Variants in TTC27 observed in about 807,000 individuals in gnomAD.
The protein encoded by TTC27 is tetratricopeptide repeat domain 27, also known as tetratricopeptide repeat protein 27.
In TTC27, 79 loss-of-function variants were observed where a neutral mutation model predicts 115.9. That is an observed-to-expected ratio of 0.68 (90% CI 0.57 to 0.82). TTC27 has a LOEUF of 0.82. Among genes scored for constraint, TTC27 ranks in the 40% least tolerant of loss-of-function variants. TTC27 has a pLI of 0.00. For synonymous variants in TTC27, 401 were observed against 356.0 expected (o/e 1.13, Z -1.42); for missense variants, 1,054 against 993.1 (o/e 1.06, Z -0.82).
At chr2:32,734,598 C>G (rs1291962354) in intron 11 of TTC27, among the ~76,000 whole-genome samples, 3 of 152,114 alleles carry the variant, frequency 2.0e-5, no homozygotes, top group African/African-American at 7.2e-5. Context: ...CTACATGGTT[C>G]TCCTGTATTA....
intron 18 of TTC27, among the ~76,000 whole-genome samples, chr2:32,814,937 C>T (rs1671448932): frequency 6.6e-6 from 1 of 152,146 alleles, no homozygotes; most frequent in Non-Finnish European, 1.5e-5. Flanking sequence ...TAAAAATCTC[C>T]ACATGGTTTA....
At chr2:32,715,334 T>C (rs1402423941) in intron 10 of TTC27, among the ~76,000 whole-genome samples, 1 of 152,204 alleles carries the variant, frequency 6.6e-6, no homozygotes, top group Non-Finnish European at 1.5e-5. Context: ...TAAGGAGTCC[T>C]TTCCCCATTG....
intron 14 of TTC27, chr2:32,780,233 C>T: frequency 3.2e-6 from 1 of 314,146 alleles, no homozygotes; most frequent in South Asian, 2.7e-5. Context: ...ATTGAATCTG[C>T]AGGTGAATAA....
chr2:32,767,435 A>G (rs1251288476), intron 13 of TTC27, among the ~76,000 whole-genome samples: 5 of 141,692 alleles, frequency 3.5e-5, no homozygotes, highest in South Asian at 2.3e-4. Context: ...CTAAGTGAAT[A>G]TTTATAAGTT....
At chr2:32,629,177 A>G (rs985432457) in intron 1 of TTC27, among the ~76,000 whole-genome samples, 12 of 151,518 alleles carry the variant, frequency 7.9e-5, no homozygotes, top group African/African-American at 2.7e-4. Context: ...GCTGGAGTGC[A>G]CTGGTGCCAT....
intron 16 of TTC27, among the ~76,000 whole-genome samples, chr2:32,805,263 G>T (rs1256400661): frequency 6.6e-6 from 1 of 152,182 alleles, no homozygotes; most frequent in Non-Finnish European, 1.5e-5. Flanking sequence ...GGTTACATGT[G>T]CTCACAGAGC....
chr2:32,669,039 A>G (rs1269267795), intron 7 of TTC27, among the ~76,000 whole-genome samples: 1 of 152,060 alleles, frequency 6.6e-6, no homozygotes, highest in Non-Finnish European at 1.5e-5. Context: ...AGATCGTGCC[A>G]CTGCACTCCA....
chr2:32,784,533 T>C (rs1376161156), intron 15 of TTC27, among the ~76,000 whole-genome samples: 1 of 152,234 alleles, frequency 6.6e-6, no homozygotes, highest in East Asian at 1.9e-4. Context: ...TTTCAACTGA[T>C]TCCCCTCGAT....
At chr2:32,760,836 G>A (rs921773263) in intron 13 of TTC27, among the ~76,000 whole-genome samples, 2 of 152,120 alleles carry the variant, frequency 1.3e-5, no homozygotes, top group Non-Finnish European at 2.9e-5. Flanking sequence ...CGCACAGTCT[G>A]TTCTCAACAC....
At chr2:32,684,487 G>A (rs1044569620) in intron 9 of TTC27, among the ~76,000 whole-genome samples, 2 of 151,968 alleles carry the variant, frequency 1.3e-5, no homozygotes, top group African/African-American at 4.8e-5. Flanking sequence ...ATTGATACTG[G>A]CAGCTTGCCT....
At chr2:32,774,865 C>T (rs1339757409) in intron 13 of TTC27, among the ~76,000 whole-genome samples, 1 of 152,148 alleles carries the variant, frequency 6.6e-6, no homozygotes, top group African/African-American at 2.4e-5. Context: ...TAGATAAAAC[C>T]TAGCAGTTAA....
intron 4 of TTC27, among the ~76,000 whole-genome samples, chr2:32,646,345 T>A (rs1664858868): frequency 6.6e-6 from 1 of 151,838 alleles, no homozygotes; most frequent in Non-Finnish European, 1.5e-5. Flanking sequence ...TTAAGTTTTA[T>A]TTTTGTAGAG....
chr2:32,812,399 G>A (rs1454049855), intron 17 of TTC27, 105 bp from the exon 18 acceptor site: 2 of 814,060 alleles, frequency 2.5e-6, no homozygotes, highest in Admixed American at 2.0e-5. Flanking sequence ...CAACACAGAT[G>A]CTGCTTTTTC....
intron 5 of TTC27, among the ~76,000 whole-genome samples, chr2:32,653,049 T>C (rs1315902191): frequency 6.6e-6 from 1 of 152,212 alleles, no homozygotes; most frequent in Non-Finnish European, 1.5e-5. Flanking sequence ...AGCATTCTTT[T>C]GGATGTCACA....
intron 18 of TTC27, among the ~76,000 whole-genome samples, chr2:32,813,237 A>G (rs919774355): frequency 4.6e-5 from 7 of 152,200 alleles, no homozygotes; most frequent in Admixed American, 2.6e-4. Context: ...TGCAGTTCCA[A>G]TAAAATAATG....
rs542284816 is a variant in TTC27 at position 32,780,051 on chromosome 2, T to C, written c.1779+2071T>C. The C allele has an allele frequency of 5.6e-5, 26 of 461,898 alleles. 1 individual carries two copies. Among genetic ancestry groups the C allele is most frequent in the South Asian group, 3.7e-4 (23 of 62,944 alleles). 28.6% of individuals were successfully genotyped at this position (461,898 alleles called of 1,614,324 possible). A position where few individuals can be genotyped will look rare whatever the true frequency, so the allele number is the denominator to read the frequency against. On this transcript the variant is annotated intron_variant, in intron 14 of 19. Coordinates refer to ENST00000317907, the MANE Select transcript of TTC27 (RefSeq NM_017735.5). Reference sequence around the variant, plus strand: ...ACTGTATGTCACATTTCATTGACTATAGGTCTGTGCATATTCCACTGTCTT... The same window carrying C: ...ACTGTATGTCACATTTCATTGACTACAGGTCTGTGCATATTCCACTGTCTT...
chr2:32,741,660 A>AAC (rs1668647599), intron 12 of TTC27, among the ~76,000 whole-genome samples: 2 of 59,148 alleles, frequency 3.4e-5, no homozygotes, highest in African/African-American at 1.2e-4. Flanking sequence ...AAAAAAAACA[A>AAC]AAAACAAAAC....
intron 13 of TTC27, among the ~76,000 whole-genome samples, chr2:32,769,669 G>A (rs1205319705): frequency 1.3e-5 from 2 of 152,102 alleles, no homozygotes; most frequent in Non-Finnish European, 2.9e-5. Flanking sequence ...GAAGATATTA[G>A]CTTTGGAAAT....
rs1403232329 is a variant in TTC27, at chr2:32,628,332, A to G, written c.40A>G (p.Thr14Ala). ...GCTGGCAATTCTGAGGGGATTCCCC[A>G]CTGAGGCTGAGCGGCAGCAATGGAA... The part of the protein sequence containing the change: ...PELAILRGFP[T>A]EAERQQWKQE... The change falls in exon 1 of 20, where the codon ACT (threonine) becomes GCT (alanine). Residue 14 changes from threonine (T) to alanine (A), a missense_variant. By Grantham distance (58) the Thr-to-Ala change is moderately conservative. Coordinates refer to ENST00000317907, the MANE Select transcript of TTC27 (RefSeq NM_017735.5). 2 of 1,607,986 alleles carry G rather than the reference A, an allele frequency of 1.2e-6. No homozygotes were observed. Among genetic ancestry groups the G allele is most frequent in the South Asian group, 2.2e-5 (2 of 89,220 alleles).
Sources: allele counts gnomAD v4.1 joint callset (sites outside exome capture counted in the v4.1 genomes callset), GRCh38; gene constraint gnomAD v4.1.1; transcripts MANE v1.5; gene names NCBI Gene and HGNC (gene_info 2026-07-23, HGNC 2026-07-21).